Variants in ATXN7L3 observed in about 807,000 individuals in gnomAD.
ATXN7L3 encodes ataxin 7 like 3.
A neutral mutation model predicts 50.0 loss-of-function variants in ATXN7L3; 6 were observed. The ratio of observed to expected loss-of-function variants is 0.12; its 90% confidence interval spans 0.07 to 0.24. ATXN7L3 has a LOEUF of 0.24. Among genes scored for constraint, ATXN7L3 ranks in the 10% least tolerant of loss-of-function variants. ATXN7L3 has a pLI of 1.00. For missense variants in ATXN7L3, 322 were observed against 451.3 expected (o/e 0.71, Z 2.60); for synonymous variants, 198 against 165.8 (o/e 1.19, Z -1.49).
chr17:44,193,655 CT>C lies in ATXN7L3; in HGVS notation c.*607del, dbSNP rs2055777902. 1 of 152,508 alleles carries C rather than the reference CT, an allele frequency of 6.6e-6. No homozygotes were observed. Among genetic ancestry groups the C allele is most frequent in the Non-Finnish European group, 1.5e-5 (1 of 68,262 alleles). The allele number at this position is 152,508 out of a possible 1,614,324, so 9.4% of individuals were successfully genotyped here. A position where few individuals can be genotyped will look rare whatever the true frequency, so the allele number is the denominator to read the frequency against. ...GGGGACTGAGGGGAAAGGGCTGCCCCTGTGAGGGGCAGGGAAGGTGGCGGCA... is the reference window on the plus strand; with the variant it reads ...GGGGACTGAGGGGAAAGGGCTGCCCCGTGAGGGGCAGGGAAGGTGGCGGCA... On this transcript the variant is annotated 3_prime_UTR_variant, in exon 13 of 13. Transcript: ENST00000587097.
At chr17:44,199,127 G>C (rs2056042586) in intron 1 of ATXN7L3, 1 of 152,044 alleles carries the variant, frequency 6.6e-6, no homozygotes, top group Non-Finnish European at 1.5e-5. Flanking sequence ...CCGACCCCCA[G>C]AGAGTGGGAC....
At chr17:44,198,164 T>C in intron 1 of ATXN7L3, 34 bp from the exon 2 acceptor site, 1 of 1,277,014 alleles carries the variant, frequency 7.8e-7, no homozygotes, top group Non-Finnish European at 1.1e-6. Flanking sequence ...TTGTTGTGAG[T>C]CCAAGGCACC....
At chr17:44,198,729 G>A (rs932389212) in intron 1 of ATXN7L3, among the ~76,000 whole-genome samples, 1 of 150,748 alleles carries the variant, frequency 6.6e-6, no homozygotes, top group Admixed American at 6.6e-5. Context: ...GCCACCATGA[G>A]CAGGAACGGC....
At chr17:44,199,460 CCCCCGTCCCCGT>C (rs1189983774) in intron 1 of ATXN7L3, 24 bp downstream of exon 1, 5 of 143,940 alleles carry the variant, frequency 3.5e-5, no homozygotes, top group African/African-American at 1.3e-4. Flanking sequence ...ACAGGCCCCT[CCCCCGTCCCCGT>C]CCCCGTCTCC....
chr17:44,196,512 G>T, intron 5 of ATXN7L3, 94 bp from the exon 6 acceptor site: 1 of 1,517,516 alleles, frequency 6.6e-7, no homozygotes, highest in Non-Finnish European at 9.1e-7. Context: ...GGGCACGGTG[G>T]CTCATGCCTG....
chr17:44,198,221 G>C, intron 1 of ATXN7L3, 91 bp from the exon 2 acceptor site: 1 of 719,528 alleles, frequency 1.4e-6, no homozygotes, highest in East Asian at 2.6e-5. Context: ...CCAAAGCTCA[G>C]TCCTGGCATC....
chr17:44,197,767 T>G, intron 2 of ATXN7L3, 37 bp from the exon 3 acceptor site: 1 of 1,613,816 alleles, frequency 6.2e-7, no homozygotes. Flanking sequence ...GTCACAAGAG[T>G]CACAGCCCCC....
chr17:44,197,497 CA>C (rs2055954149), intron 3 of ATXN7L3, 98 bp from the exon 4 acceptor site: 3 of 1,586,828 alleles, frequency 1.9e-6, no homozygotes, highest in Non-Finnish European at 2.6e-6. Flanking sequence ...CCCCGGCTCA[CA>C]GGAGCTCCAG....
intron 4 of ATXN7L3, 91 bp downstream of exon 4, chr17:44,197,137 A>G: frequency 6.4e-7 from 1 of 1,564,222 alleles, no homozygotes; most frequent in Non-Finnish European, 8.7e-7. Flanking sequence ...TCTGGGGCCA[A>G]GTAAAACCCA....
Position 44,197,641 on chromosome 17 carries a change from G to A in ATXN7L3, c.141C>T (p.Tyr47=), listed in dbSNP as rs766034849. The A allele has an allele frequency of 1.2e-6, 2 of 1,614,128 alleles. No homozygotes were observed. The highest frequency in any genetic ancestry group is 8.5e-7 in the Non-Finnish European group (1 of 1,180,052). ...CAGGGTCCGTGTCGTCCAAGAAGAA[G>A]TAGCCACACTTGACAGCCCGGTGTA... ...FEVHRAVKCG[Y]FFLDDTDPDS... The change falls in exon 3 of 13, where the codon TAC becomes TAT. Residue 47 remains tyrosine, a synonymous_variant. Coordinates refer to ENST00000587097, the MANE Select transcript of ATXN7L3 (RefSeq NM_001382309.1).
chr17:44,197,883 C>T lies in ATXN7L3; in HGVS notation c.51+137G>A. 7 of 1,517,886 alleles carry T rather than the reference C, an allele frequency of 4.6e-6. No homozygotes were observed. The South Asian group carries it at 6.9e-5, about 15-fold the overall frequency. The allele number at this position is 1,517,886 out of a possible 1,614,324, so 94.0% of individuals were successfully genotyped here. A position where few individuals can be genotyped will look rare whatever the true frequency, so the allele number is the denominator to read the frequency against. ...TTCGTGTTCTTTCTTCTTCCTGGAT[C>T]CTTGGCTTTTTCAGCTGGCTATTCC... On this transcript the variant is annotated intron_variant, in intron 2 of 12. Transcript: ENST00000587097.
In ATXN7L3 at chr17:44,192,046, A is replaced by G. The variant is rs1363400214; in HGVS notation, c.*2217T>C. 6.6e-6 allele frequency: 1 copy of G among 152,308 alleles called. No homozygotes were observed. Among genetic ancestry groups the G allele is most frequent in the African/African-American group, 2.4e-5 (1 of 41,352 alleles). The allele number at this position is 152,308 out of a possible 1,614,324, so 9.4% of individuals were successfully genotyped here. On this transcript the variant is annotated 3_prime_UTR_variant, in exon 13 of 13. Transcript: ENST00000587097. The stretch of plus-strand genomic sequence containing the variant: ...TGCATGGAAGGAAAAGCCACCGGCC[A>G]TGGAAATTAGTACAGAACCCCCCCA...
chr17:44,193,642 G>GA lies in ATXN7L3; in HGVS notation c.*620dup, dbSNP rs2055777164. 1.3e-5 allele frequency: 2 copies of GA among 152,434 alleles called. No individual in the cohort carries two copies. Among genetic ancestry groups the GA allele is most frequent in the Admixed American group, 6.5e-5 (1 of 15,306 alleles). The allele number at this position is 152,434 out of a possible 1,614,324, so 9.4% of individuals were successfully genotyped here. A position where few individuals can be genotyped will look rare whatever the true frequency, so the allele number is the denominator to read the frequency against. On this transcript the variant is annotated 3_prime_UTR_variant, in exon 13 of 13. Coordinates refer to ENST00000587097, the MANE Select transcript of ATXN7L3 (RefSeq NM_001382309.1). ...CAAGGAGGCCCATGGGGACTGAGGG[G>GA]AAAGGGCTGCCCCTGTGAGGGGCAG...
chr17:44,198,190 C>T (rs1396265871), intron 1 of ATXN7L3, 60 bp from the exon 2 acceptor site: 3 of 919,098 alleles, frequency 3.3e-6, no homozygotes, highest in Non-Finnish European at 5.1e-6. Context: ...ATGCGGCCAC[C>T]TTCCCTCCCC....
At chr17:44,195,382 C>T (rs868602352) in intron 9 of ATXN7L3, 37 bp downstream of exon 9, 3 of 1,601,850 alleles carry the variant, frequency 1.9e-6, no homozygotes, top group Middle Eastern at 3.4e-4. Context: ...CTCCAGCCCA[C>T]TCCCAGGGAC....
chr17:44,197,122 G>C, intron 4 of ATXN7L3, 96 bp from the exon 5 acceptor site: 2 of 1,551,102 alleles, frequency 1.3e-6, no homozygotes. Context: ...GAAGCAGGTG[G>C]AGCATCTGGG....
At position 44,195,956 on chromosome 17, in the gene ATXN7L3, G is replaced by A. The variant is rs1222626294; in HGVS notation, c.523+78C>T. 1.2e-5 allele frequency: 19 copies of A among 1,543,224 alleles called. No individual in the cohort carries two copies. In the Admixed American group the frequency reaches 1.7e-4, roughly 14 times the overall value. On this transcript the variant is annotated intron_variant, in intron 7 of 12. Coordinates refer to ENST00000587097, the MANE Select transcript of ATXN7L3 (RefSeq NM_001382309.1). ...GCCCTCCCTCAATTCCCCTATCCCC[G>A]GGCCCCACCTCCACCCCCCGGCAAT... is the stretch of plus-strand genomic sequence containing the variant.
rs1282679226 is a variant in ATXN7L3, at chr17:44,193,464, G to GC, written c.*798dup. Reference sequence around the variant, plus strand: ...CAGCACCGTTCCCTCTCACCTTGGGGCCCCACTCCTCACCAGCCCTGGGTC... The same window carrying GC: ...CAGCACCGTTCCCTCTCACCTTGGGGCCCCCACTCCTCACCAGCCCTGGGTC... On this transcript the variant is annotated 3_prime_UTR_variant, in exon 13 of 13. Coordinates refer to ENST00000587097, the MANE Select transcript of ATXN7L3 (RefSeq NM_001382309.1). 1 of 152,662 alleles carries GC rather than the reference G, an allele frequency of 6.6e-6. No homozygotes were observed. The highest frequency in any genetic ancestry group is 1.5e-5 in the Non-Finnish European group (1 of 68,074). 9.5% of individuals were successfully genotyped at this position (152,662 alleles called of 1,614,324 possible).
intron 9 of ATXN7L3, 40 bp from the exon 10 acceptor site, chr17:44,195,180 A>G (rs747213759): frequency 7.5e-6 from 12 of 1,592,596 alleles, no homozygotes; most frequent in South Asian, 1.1e-5. Flanking sequence ...GATGGAAGGA[A>G]CCTACTCTAG....
Sources: allele counts gnomAD v4.1 joint callset (sites outside exome capture counted in the v4.1 genomes callset), GRCh38; gene constraint gnomAD v4.1.1; transcripts MANE v1.5; gene names NCBI Gene and HGNC (gene_info 2026-07-23, HGNC 2026-07-21).